The following CADM1 variants were observed in gnomAD, a reference collection of about 807,000 sequenced individuals.
The protein encoded by CADM1 is cell adhesion molecule 1, also known as TSLC-1.
Under a neutral mutation model 53.1 loss-of-function variants are expected in CADM1, and 15 were observed. That is an observed-to-expected ratio of 0.28 (90% CI 0.19 to 0.44). The LOEUF (loss-of-function observed/expected upper bound fraction) is 0.44. Among genes scored for constraint, CADM1 ranks in the 20% least tolerant of loss-of-function variants. CADM1 has a pLI of 1.00. For missense variants in CADM1, 434 were observed against 611.3 expected, an observed-to-expected ratio of 0.71 and a Z score of 3.06; for synonymous variants, 281 against 243.0, an observed-to-expected ratio of 1.16 and a Z score of -1.45.
rs140195545 is a variant in CADM1 at position 115,296,770 on chromosome 11, G to A, written c.125-56350C>T. Among the ~76,000 whole-genome samples the A allele has an allele frequency of 2.5e-3, 382 of 152,172 alleles. 2 individuals are homozygous for A. Among genetic ancestry groups the A allele is most frequent in the African/African-American group, 8.2e-3 (341 of 41,528 alleles). On this transcript the variant is annotated intron_variant, in intron 1 of 11. Transcript: ENST00000331581. ...AACAGAATGAGACAAGTACCATGCC[G>A]CTTTTTGAGTATTTTCTTATAGAAA... is the stretch of plus-strand genomic sequence containing the variant.
At chr11:115,431,124 CA>C (rs1948037017) in intron 1 of CADM1, among the ~76,000 whole-genome samples, 2 of 151,926 alleles carry the variant, frequency 1.3e-5, no homozygotes, top group South Asian at 2.1e-4. Flanking sequence ...CTAAATGGCA[CA>C]AAAAAAGTAC....
At chr11:115,262,657 G>T (rs1943011664) in intron 1 of CADM1, among the ~76,000 whole-genome samples, 1 of 152,156 alleles carries the variant, frequency 6.6e-6, no homozygotes, top group South Asian at 2.1e-4. Flanking sequence ...TATTTTCTTT[G>T]TTGGTACTGT....
chr11:115,353,285 G>A (rs538821321), intron 1 of CADM1, among the ~76,000 whole-genome samples: 1 of 152,196 alleles, frequency 6.6e-6, no homozygotes, highest in Non-Finnish European at 1.5e-5. Flanking sequence ...TAACAGCACT[G>A]TCCAACAGAA....
intron 1 of CADM1, among the ~76,000 whole-genome samples, chr11:115,313,391 T>C (rs1265411538): frequency 6.6e-6 from 1 of 152,172 alleles, no homozygotes; most frequent in Non-Finnish European, 1.5e-5. Flanking sequence ...TACTGAGTCC[T>C]TGACATTAAC....
chr11:115,271,121 CGA>C (rs1565336299), intron 1 of CADM1, among the ~76,000 whole-genome samples: 1 of 151,986 alleles, frequency 6.6e-6, no homozygotes, highest in Non-Finnish European at 1.5e-5. Flanking sequence ...ATTAAACATC[CGA>C]GATAGGTCCT....
chr11:115,413,794 G>A (rs954639204), intron 1 of CADM1, among the ~76,000 whole-genome samples: 9 of 151,810 alleles, frequency 5.9e-5, no homozygotes, highest in African/African-American at 1.7e-4. Flanking sequence ...ACAGGCACAC[G>A]CCACCATGCC....
intron 1 of CADM1, among the ~76,000 whole-genome samples, chr11:115,411,316 T>C (rs1947455113): frequency 6.6e-6 from 1 of 152,236 alleles, no homozygotes; most frequent in Non-Finnish European, 1.5e-5. Context: ...CTGAACATTA[T>C]TTCAGGCCCA....
chr11:115,295,253 G>A (rs771473023), intron 1 of CADM1, among the ~76,000 whole-genome samples: 9 of 151,744 alleles, frequency 5.9e-5, no homozygotes, highest in East Asian at 1.9e-4. Context: ...ACAAGTTCAC[G>A]GCAAAATCCA....
At chr11:115,220,650 C>T (rs997603286) in intron 5 of CADM1, among the ~76,000 whole-genome samples, 6 of 152,108 alleles carry the variant, frequency 3.9e-5, no homozygotes, top group African/African-American at 1.4e-4. Flanking sequence ...TATCTGACCA[C>T]GGGCAGATGA....
At chr11:115,232,066 T>C (rs1941839409) in intron 3 of CADM1, among the ~76,000 whole-genome samples, 1 of 152,152 alleles carries the variant, frequency 6.6e-6, no homozygotes, top group South Asian at 2.1e-4. Context: ...GAGCACATTA[T>C]ATCAATATAG....
chr11:115,426,924 A>G (rs373907689), intron 1 of CADM1, among the ~76,000 whole-genome samples: 1 of 152,114 alleles, frequency 6.6e-6, no homozygotes, highest in African/African-American at 2.4e-5. Flanking sequence ...AATTTCACTT[A>G]ATCTGTTCTA....
At chr11:115,219,716 C>A (rs1941333029) in intron 5 of CADM1, among the ~76,000 whole-genome samples, 1 of 152,118 alleles carries the variant, frequency 6.6e-6, no homozygotes, top group South Asian at 2.1e-4. Context: ...CTCAAGAGCT[C>A]CTGGGCACCC....
chr11:115,195,780 T>C (rs1940115424), intron 9 of CADM1, among the ~76,000 whole-genome samples: 1 of 152,222 alleles, frequency 6.6e-6, no homozygotes, highest in African/African-American at 2.4e-5. Flanking sequence ...TTCCCCGACA[T>C]CAAGCAAAAT....
chr11:115,389,841 T>G (rs1179786531), intron 1 of CADM1, among the ~76,000 whole-genome samples: 1 of 152,080 alleles, frequency 6.6e-6, no homozygotes, highest in African/African-American at 2.4e-5. Context: ...CTTTATTCTT[T>G]AAATTATAGA....
chr11:115,456,720 G>A (rs1461880743), intron 1 of CADM1, among the ~76,000 whole-genome samples: 1 of 152,104 alleles, frequency 6.6e-6, no homozygotes, highest in Non-Finnish European at 1.5e-5. Context: ...AATAGAGACA[G>A]TAATCCCTGT....
chr11:115,256,766 T>C lies in CADM1; in HGVS notation c.125-16346A>G, dbSNP rs1353156407. ...GTTCCTTAACATATGGCAATTGCAA[T>C]AGGTTCACACTTACTCCTTCCTCTA... On this transcript the variant is annotated intron_variant, in intron 1 of 11. Transcript: ENST00000331581. 2.6e-5 allele frequency: 12 copies of C among 455,302 alleles called. No individual in the cohort carries two copies. In the East Asian group the frequency reaches 6.9e-4, roughly 26 times the overall value. The allele number at this position is 455,302 out of a possible 1,614,324, so 28.2% of individuals were successfully genotyped here.
intron 1 of CADM1, among the ~76,000 whole-genome samples, chr11:115,261,979 C>T (rs1942988007): frequency 6.6e-6 from 1 of 152,138 alleles, no homozygotes; most frequent in South Asian, 2.1e-4. Flanking sequence ...CGGGGTTTCA[C>T]CATGTTAGCC....
At chr11:115,362,019 C>T (rs1011054707) in intron 1 of CADM1, among the ~76,000 whole-genome samples, 10 of 152,184 alleles carry the variant, frequency 6.6e-5, no homozygotes, top group Admixed American at 3.9e-4. Flanking sequence ...GGATTACAGG[C>T]GAGAGCCACA....
chr11:115,393,438 G>T (rs1234710427), intron 1 of CADM1, among the ~76,000 whole-genome samples: 1 of 150,916 alleles, frequency 6.6e-6, no homozygotes, highest in Non-Finnish European at 1.5e-5. Flanking sequence ...CTGAAGGAAA[G>T]AAAGACTTAA....
Sources: gnomAD v4.1 joint callset for allele counts (sites outside exome capture counted in the v4.1 genomes callset) on GRCh38, gnomAD v4.1.1 for gene constraint, MANE v1.5 for transcripts, NCBI Gene and HGNC (gene_info 2026-07-23, HGNC 2026-07-21) for gene names.